The following MYT1 variants were observed in gnomAD, a reference collection of about 807,000 sequenced individuals.
The protein encoded by MYT1 is myelin transcription factor 1, also known as myelin transcription factor I.
MYT1 carries 23 observed loss-of-function variants against 123.0 expected under a neutral mutation model. That is an observed-to-expected ratio of 0.19 (90% CI 0.13 to 0.26). The LOEUF is 0.26. Ranked by LOEUF, MYT1 falls within the 10% of genes least tolerant of loss-of-function variation. The pLI is 1.00. For missense variants in MYT1, 1,125 were observed against 1,472.5 expected (o/e 0.76, Z 3.86); for synonymous variants, 518 against 575.3 (o/e 0.90, Z 1.43).
Position 64,192,106 on chromosome 20 carries a change from A to G in MYT1, c.-1+1946A>G, listed in dbSNP as rs925944147. ...ACATGACAAACTCAGAGAGTTTGGG[A>G]CCTACCATGACAACCCATGGCTGTT... On this transcript the variant is annotated intron_variant, in intron 2 of 22. Coordinates refer to ENST00000328439, the MANE Select transcript of MYT1 (RefSeq NM_004535.3). The surrounding 1 kb of genome is among the most constrained non-coding windows in gnomAD (Gnocchi z 5.3). Among the ~76,000 whole-genome samples, 3 of 152,126 alleles carry G rather than the reference A, an allele frequency of 2.0e-5. No individual in the cohort carries two copies.
Position 64,219,929 on chromosome 20 carries a change from C to T in MYT1, c.2188C>T (p.Arg730Trp), listed in dbSNP as rs181094269. Residue 730 changes from arginine (R) to tryptophan (W), a missense_variant, in exon 13 of 23, where the codon CGG (arginine) becomes TGG (tryptophan). This residue lies in a region of MYT1 where 429 missense variants were observed against 604.1 expected (regional missense o/e 0.71). Transcript: ENST00000328439. ...GGCCTCCCGCCAGGACGAGTGGGACCGGCCCCTGGACTACACCAAGCCTAG... is the reference window on the plus strand; with the variant it reads ...GGCCTCCCGCCAGGACGAGTGGGACTGGCCCCTGGACTACACCAAGCCTAG... ...SQASRQDEWD[R>W]PLDYTKPSRL... is the part of the protein sequence containing the mutation. 1.9e-6 allele frequency: 3 copies of T among 1,555,476 alleles called. No individual in the cohort carries two copies. The highest frequency in any genetic ancestry group is 2.4e-5 in the East Asian group (1 of 41,226).
rs1214561919 is a variant in MYT1, at chr20:64,166,863, A to G, written c.-99+2124A>G. Among the ~76,000 whole-genome samples the G allele has an allele frequency of 6.6e-6, 1 of 152,148 alleles. No homozygotes were observed. The highest frequency in any genetic ancestry group is 1.5e-5 in the Non-Finnish European group (1 of 68,016). On this transcript the variant is annotated intron_variant, in intron 1 of 22. Transcript: ENST00000328439. This position sits in a 1 kb window ranked among gnomAD's most constrained non-coding sequence, Gnocchi z 4.9. ...TGTCAGGGAGAGGCTGGCAGAGGGT[A>G]TGCGGCCACGGGGGTGCATGCTGGG...
rs1191609251 is a variant in MYT1, at chr20:64,242,102, C to T, written c.*1654C>T. The stretch of plus-strand genomic sequence containing the variant: ...AGGGAGTGCTGGCCGCAGGCAGCCT[C>T]GAGTCACCGCCAGGCTCACAGGCTG... On this transcript the variant is annotated 3_prime_UTR_variant, in exon 23 of 23. Transcript: ENST00000328439. 1.3e-5 allele frequency: 2 copies of T among 152,546 alleles called. No individual in the cohort carries two copies. The highest frequency in any genetic ancestry group is 2.4e-5 in the African/African-American group (1 of 41,440). The allele number at this position is 152,546 out of a possible 1,614,324, so 9.4% of individuals were successfully genotyped here.
At chr20:64,230,847 C>T (rs1383567152) in intron 18 of MYT1, among the ~76,000 whole-genome samples, 1 of 152,210 alleles carries the variant, frequency 6.6e-6, no homozygotes, top group Non-Finnish European at 1.5e-5. Context: ...AGAGAGGGGC[C>T]TGTGGAGAGA....
intron 2 of MYT1, among the ~76,000 whole-genome samples, chr20:64,195,144 A>G (rs1366665114): frequency 6.6e-6 from 1 of 151,692 alleles, no homozygotes; most frequent in Non-Finnish European, 1.5e-5. Context: ...GTGAGCCACC[A>G]TGCCCGGCCC....
At position 64,191,021 on chromosome 20, in the gene MYT1, C is replaced by T. The variant is rs1300664994; in HGVS notation, c.-1+861C>T. 6.6e-6 allele frequency among the ~76,000 whole-genome samples: 1 copy of T among 152,174 alleles called. No homozygotes were observed. Among genetic ancestry groups the T allele is most frequent in the Non-Finnish European group, 1.5e-5 (1 of 68,026 alleles). ...AAAACCCACCAAAATGAAAATGTGACCCCAGAGTCTCACTTCCTTGCTTTG... is the reference window on the plus strand; with the variant it reads ...AAAACCCACCAAAATGAAAATGTGATCCCAGAGTCTCACTTCCTTGCTTTG... On this transcript the variant is annotated intron_variant, in intron 2 of 22. Transcript: ENST00000328439. This position sits in a 1 kb window ranked among gnomAD's most constrained non-coding sequence, Gnocchi z 4.1.
chr20:64,198,995 A>C, intron 3 of MYT1, 79 bp downstream of exon 3: 1 of 1,462,608 alleles, frequency 6.8e-7, no homozygotes, highest in Non-Finnish European at 9.6e-7. Flanking sequence ...CAAACCCCTA[A>C]CCACACATGT....
chr20:64,181,757 G>A (rs2145697153), intron 1 of MYT1, among the ~76,000 whole-genome samples: 1 of 152,366 alleles, frequency 6.6e-6, no homozygotes, highest in East Asian at 1.9e-4. Flanking sequence ...CCATTATTGA[G>A]CACCCTGGCA....
intron 2 of MYT1, among the ~76,000 whole-genome samples, chr20:64,198,204 G>A (rs1350530363): frequency 2.7e-5 from 4 of 148,544 alleles, no homozygotes; most frequent in Admixed American, 6.7e-5. Context: ...GGAGAATGGC[G>A]TGAACCCGGG....
chr20:64,209,250 G>C (rs1381205338), intron 7 of MYT1, among the ~76,000 whole-genome samples: 1 of 152,158 alleles, frequency 6.6e-6, no homozygotes, highest in Non-Finnish European at 1.5e-5. Flanking sequence ...CTGGACAACA[G>C]GCTGGCTCTG....
In MYT1 at chr20:64,213,507, A is replaced by G; in HGVS notation, c.1518-27A>G. On this transcript the variant is annotated intron_variant, in intron 9 of 22. Coordinates refer to ENST00000328439, the MANE Select transcript of MYT1 (RefSeq NM_004535.3). The surrounding 1 kb of genome is among the most constrained non-coding windows in gnomAD (Gnocchi z 5.6). ...AGGACAGGCATGGAGGGGAAGGCTC[A>G]GAAACCCCTCCTCTTCCTTCCTCTA... 1.9e-6 allele frequency: 3 copies of G among 1,585,400 alleles called. No homozygotes were observed. The highest frequency in any genetic ancestry group is 2.6e-6 in the Non-Finnish European group (3 of 1,154,372).
chr20:64,214,081 G>T (rs745447533), intron 10 of MYT1, among the ~76,000 whole-genome samples: 4 of 152,208 alleles, frequency 2.6e-5, no homozygotes, highest in Non-Finnish European at 4.4e-5. Context: ...CTAATCCTTG[G>T]CCGTCCTGCC....
intron 6 of MYT1, among the ~76,000 whole-genome samples, chr20:64,206,176 C>T (rs1186875310): frequency 2.0e-5 from 3 of 152,062 alleles, no homozygotes; most frequent in Non-Finnish European, 4.4e-5. Flanking sequence ...GACTGGCCCT[C>T]TGTTCTGCCT....
Position 64,232,457 on chromosome 20 carries a change from C to G in MYT1, c.2897+72C>G, listed in dbSNP as rs562908548. 2.9e-4 allele frequency: 432 copies of G among 1,486,714 alleles called. No individual in the cohort carries two copies. Among genetic ancestry groups the G allele is most frequent in the Admixed American group, 3.5e-4 (20 of 57,160 alleles). The allele number at this position is 1,486,714 out of a possible 1,614,324, so 92.1% of individuals were successfully genotyped here. On this transcript the variant is annotated intron_variant, in intron 19 of 22. Transcript: ENST00000328439. This position sits in a 1 kb window ranked among gnomAD's most constrained non-coding sequence, Gnocchi z 6.9. ...CCTCGCCTGGGGCCTGGGGCTGAAG[C>G]TCCTGAGGGAGGGCCAGACCAGGGC... is the stretch of plus-strand genomic sequence containing the variant.
intron 1 of MYT1, among the ~76,000 whole-genome samples, chr20:64,176,028 T>C (rs58100397): frequency 3.1e-3 from 18 of 5,876 alleles, no homozygotes; most frequent in South Asian, 0.012. Context: ...GCTTCTCCTG[T>C]AGCATCTTTC....
Position 64,228,163 on chromosome 20 carries a change from T to C in MYT1, c.2675+192T>C, listed in dbSNP as rs896024015. The C allele has an allele frequency of 5.0e-6, 3 of 605,882 alleles. No homozygotes were observed. In the East Asian group the frequency reaches 8.7e-5, roughly 18 times the overall value. 37.5% of individuals were successfully genotyped at this position (605,882 alleles called of 1,614,324 possible). ...CGCTACACGTTGATACCTGTGAAGA[T>C]AGGAGCCCTGGATGTCGCGTGGAGG... On this transcript the variant is annotated intron_variant, in intron 18 of 22. Coordinates refer to ENST00000328439, the MANE Select transcript of MYT1 (RefSeq NM_004535.3).
chr20:64,190,825 C>T lies in MYT1; in HGVS notation c.-1+665C>T, dbSNP rs539851622. On this transcript the variant is annotated intron_variant, in intron 2 of 22. Transcript: ENST00000328439. The surrounding 1 kb of genome is among the most constrained non-coding windows in gnomAD (Gnocchi z 4.1). ...CTTTACTAAAAACACAAAAATTAGCCGGGCATGGTGGCATGCGCCTGTAAT... is the reference window on the plus strand; with the variant it reads ...CTTTACTAAAAACACAAAAATTAGCTGGGCATGGTGGCATGCGCCTGTAAT... Among the ~76,000 whole-genome samples, 16 of 152,072 alleles carry T rather than the reference C, an allele frequency of 1.1e-4. No homozygotes were observed. In the East Asian group the frequency reaches 2.3e-3, roughly 22 times the overall value.
chr20:64,198,836 T>A, intron 2 of MYT1, 26 bp from the exon 3 acceptor site: 3 of 1,613,996 alleles, frequency 1.9e-6, no homozygotes, highest in Non-Finnish European at 2.5e-6. Flanking sequence ...GGTTTTCTTG[T>A]TAACGTCGTG....
intron 7 of MYT1, among the ~76,000 whole-genome samples, chr20:64,209,955 G>A (rs532118862): frequency 1.2e-4 from 18 of 152,206 alleles, no homozygotes; most frequent in East Asian, 1.9e-4. Flanking sequence ...GTCATGCTCC[G>A]GCCTTGTGGG....
Sources: allele counts gnomAD v4.1 joint callset (sites outside exome capture counted in the v4.1 genomes callset), GRCh38; gene constraint gnomAD v4.1.1; regional missense constraint gnomAD v4.1.1; non-coding constraint Gnocchi (gnomAD v3.1); transcripts MANE v1.5; gene names NCBI Gene and HGNC (gene_info 2026-07-23, HGNC 2026-07-21).